The following BRI3 variants were observed in gnomAD, a reference collection of about 807,000 sequenced individuals.
BRI3 encodes the protein membrane protein BRI3.
BRI3 carries 6 observed loss-of-function variants against 12.8 expected under a neutral mutation model. The observed-to-expected ratio is 0.47, with a 90% CI of 0.26 to 0.93. The LOEUF (loss-of-function observed/expected upper bound fraction) is 0.93, where lower values mean the gene tolerates loss of function less well. Ranked by LOEUF, BRI3 falls within the 40% of genes least tolerant of loss-of-function variation. The pLI, the probability that BRI3 is intolerant of heterozygous loss-of-function variation, is 0.15. For missense variants in BRI3, 134 were observed against 171.1 expected (o/e 0.78, Z 1.21); for synonymous variants, 91 against 76.1 (o/e 1.20, Z -1.02).
At chr7:98,302,390 T>C (rs1261442693), upstream of BRI3, among the ~76,000 whole-genome samples, 1 of 152,180 alleles carries the variant, frequency 6.6e-6, no homozygotes, top group Non-Finnish European at 1.5e-5. Flanking sequence ...TAAAAGGCAT[T>C]ATCCAACCTC....
the BRI3 span, among the ~76,000 whole-genome samples, chr7:98,318,077 C>T: frequency 1.2e-3 from 184 of 151,944 alleles, 1 homozygote; most frequent in African/African-American, 4.1e-3. Context: ...ACCCTCAACC[C>T]GCAGTTCACA....
chr7:98,286,281 A>T (rs1799708220), intron 2 of BRI3, among the ~76,000 whole-genome samples: 1 of 152,118 alleles, frequency 6.6e-6, no homozygotes, highest in South Asian at 2.1e-4. Flanking sequence ...GTCCTTGGTG[A>T]GGCGGGAGCC....
chr7:98,321,281 A>C, the BRI3 span, among the ~76,000 whole-genome samples: 6 of 152,226 alleles, frequency 3.9e-5, no homozygotes, highest in African/African-American at 1.4e-4. Context: ...AGGAATAAAA[A>C]ATGATTTATT....
chr7:98,287,756 G>A (rs1799758618), intron 2 of BRI3, among the ~76,000 whole-genome samples: 1 of 152,234 alleles, frequency 6.6e-6, no homozygotes, highest in Admixed American at 6.5e-5. Context: ...GCAGCTGCAG[G>A]TGGGAGGCTG....
At chr7:98,296,138 G>A (rs1461388753), downstream of BRI3, among the ~76,000 whole-genome samples, 1 of 152,176 alleles carries the variant, frequency 6.6e-6, no homozygotes, top group Non-Finnish European at 1.5e-5. Flanking sequence ...CTGTCCCTAC[G>A]GGGCCACCCC....
chr7:98,298,474 G>A (rs939054330), intron 1 of BRI3, among the ~76,000 whole-genome samples: 51 of 152,072 alleles, frequency 3.4e-4, no homozygotes, highest in Non-Finnish European at 4.3e-4. Flanking sequence ...TTAGCCAGGC[G>A]TAGTGGCGGG....
upstream of BRI3, among the ~76,000 whole-genome samples, chr7:98,305,808 C>T (rs1217592072): frequency 6.6e-6 from 1 of 152,180 alleles, no homozygotes; most frequent in African/African-American, 2.4e-5. Flanking sequence ...GTCCTTTGGA[C>T]AGTCTCTAGG....
downstream of BRI3, chr7:98,292,944 C>A: frequency 7.9e-7 from 1 of 1,266,334 alleles, no homozygotes; most frequent in African/African-American, 1.5e-5. Context: ...CTCTACAGCT[C>A]TGGCGTGGTT....
At chr7:98,282,275 G>A (rs1221748002) in intron 1 of BRI3, 76 bp from the exon 2 acceptor site, 6 of 1,260,258 alleles carry the variant, frequency 4.8e-6, no homozygotes, top group African/African-American at 1.5e-5. Context: ...GGAGGTTGAG[G>A]GGACAGGATG....
At chr7:98,317,993 C>T in the BRI3 span, among the ~76,000 whole-genome samples, 20 of 151,710 alleles carry the variant, frequency 1.3e-4, no homozygotes, top group Non-Finnish European at 2.1e-4. Context: ...GGACCCTCAC[C>T]CCGCAGCTCA....
intron 2 of BRI3, among the ~76,000 whole-genome samples, chr7:98,285,943 T>A (rs2116712651): frequency 6.6e-6 from 1 of 152,314 alleles, no homozygotes; most frequent in Non-Finnish European, 1.5e-5. Context: ...GGCCTGGCCT[T>A]CCAGCGGGGT....
downstream of BRI3, chr7:98,312,352 G>C: frequency 7.1e-7 from 1 of 1,402,310 alleles, no homozygotes; most frequent in Non-Finnish European, 9.6e-7. Context: ...GCTGATAACA[G>C]ATTACTGGCT....
At chr7:98,290,961 TGGGGTGGG>T (rs138492468) in intron 2 of BRI3, 142 bp from the exon 3 acceptor site, 91,193 of 837,248 alleles carry the variant, frequency 0.11, 5,944 homozygotes, top group South Asian at 0.25. Context: ...AGCTGGGTGG[TGGGGTGGG>T]GGGCTGTTTT....
At chr7:98,310,461 C>G (rs1342721267), downstream of BRI3, 33 of 1,597,098 alleles carry the variant, frequency 2.1e-5, no homozygotes, top group Non-Finnish European at 2.6e-5. Flanking sequence ...AATTATTTAC[C>G]CTTTGTGAAT....
At chr7:98,294,787 T>C (rs952546178), downstream of BRI3, among the ~76,000 whole-genome samples, 20 of 152,202 alleles carry the variant, frequency 1.3e-4, no homozygotes, top group African/African-American at 4.8e-4. Flanking sequence ...CCAGGGATCT[T>C]GTAGGAAGCT....
downstream of BRI3, among the ~76,000 whole-genome samples, chr7:98,295,861 G>A (rs1008885112): frequency 1.3e-5 from 2 of 152,150 alleles, no homozygotes; most frequent in Non-Finnish European, 2.9e-5. Context: ...AAGAAGCACC[G>A]ACTCCTGCCA....
At chr7:98,300,119 CTGCCCTGTG>C (rs1256474504) in intron 1 of BRI3, among the ~76,000 whole-genome samples, 1 of 152,232 alleles carries the variant, frequency 6.6e-6, no homozygotes, top group Non-Finnish European at 1.5e-5. Flanking sequence ...AAGTGCTCTG[CTGCCCTGTG>C]TGCCCTGTGG....
At chr7:98,287,347 C>G (rs899651923) in intron 2 of BRI3, among the ~76,000 whole-genome samples, 54 of 152,224 alleles carry the variant, frequency 3.5e-4, no homozygotes, top group Non-Finnish European at 7.5e-4. Flanking sequence ...GGGCTCAGGC[C>G]AGGGTGGCAC....
At position 98,281,874 on chromosome 7, in the gene BRI3, C is replaced by G; in HGVS notation, c.79C>G (p.Pro27Ala). The stretch of plus-strand genomic sequence containing the variant: ...CGGCCAGGGCGACTACGCGTGCGGC[C>G]CGCACGGCTACGGCGCCATCCCCGC... ...EAGQGDYACGPHGYGAIPAAP... is the reference protein window; with the variant it reads ...EAGQGDYACGAHGYGAIPAAP... Residue 27 changes from proline (P) to alanine (A), a missense_variant, in exon 1 of 3, where the codon CCG becomes GCG. Pro to Ala is a conservative substitution (Grantham distance 27, BLOSUM62 -1). Transcript: ENST00000297290. 3 of 1,310,544 alleles carry G rather than the reference C, an allele frequency of 2.3e-6. No homozygotes were observed. Among genetic ancestry groups the G allele is most frequent in the East Asian group, 3.1e-5 (1 of 31,802 alleles). 81.2% of individuals were successfully genotyped at this position (1,310,544 alleles called of 1,614,324 possible).
Sources: allele counts gnomAD v4.1 joint callset (sites outside exome capture counted in the v4.1 genomes callset), GRCh38; gene constraint gnomAD v4.1.1; transcripts MANE v1.5; gene names NCBI Gene and HGNC (gene_info 2026-07-23, HGNC 2026-07-21).